Variants in EBAG9 observed in about 807,000 individuals in gnomAD.
EBAG9 encodes the protein receptor-binding cancer antigen expressed on SiSo cells.
Under a neutral mutation model 30.9 loss-of-function variants are expected in EBAG9, and 16 were observed. The ratio of observed to expected loss-of-function variants is 0.52; its 90% CI spans 0.35 to 0.79. EBAG9 has a LOEUF of 0.79. Among genes scored for constraint, EBAG9 ranks in the 30% least tolerant of loss-of-function variants. The pLI, the probability that EBAG9 is intolerant of heterozygous loss-of-function variation, is 0.01. For synonymous variants in EBAG9, 93 were observed against 82.8 expected (o/e 1.12, Z -0.67); for missense variants, 197 against 242.1 (o/e 0.81, Z 1.24).
intron 5 of EBAG9, among the ~76,000 whole-genome samples, chr8:109,557,478 G>T (rs1821623001): frequency 6.6e-6 from 1 of 152,206 alleles, no homozygotes; most frequent in South Asian, 2.1e-4. Flanking sequence ...GTAGACAGCT[G>T]AGGTTCTCAA....
At chr8:109,556,865 T>G in intron 4 of EBAG9, 70 bp from the exon 5 acceptor site, 1 of 707,532 alleles carries the variant, frequency 1.4e-6, no homozygotes, top group Non-Finnish European at 2.1e-6. Flanking sequence ...TTAGAAAATG[T>G]TTTGGTTGTC....
chr8:109,544,811 G>C (rs868300280), intron 1 of EBAG9, among the ~76,000 whole-genome samples: 1 of 152,004 alleles, frequency 6.6e-6, no homozygotes, highest in East Asian at 1.9e-4. Context: ...TCCCTCTTTC[G>C]TGTGTATTTT....
chr8:109,557,100 C>G (rs1586693058), intron 5 of EBAG9, 58 bp downstream of exon 5: 7 of 1,107,250 alleles, frequency 6.3e-6, no homozygotes, highest in Non-Finnish European at 9.0e-6. Context: ...TTCTTTAAAG[C>G]AGAGGAATAA....
At chr8:109,561,108 AC>A (rs1398811583) in intron 6 of EBAG9, among the ~76,000 whole-genome samples, 179 bp downstream of exon 6, 1 of 151,672 alleles carries the variant, frequency 6.6e-6, no homozygotes, top group African/African-American at 2.4e-5. Context: ...TATGATTAAA[AC>A]CTCACAGAAA....
chr8:109,556,938 GTTA>G lies in EBAG9; in HGVS notation c.329_331del (p.Ile110del). On this transcript the variant is annotated inframe_deletion, in exon 5 of 7. Coordinates refer to ENST00000337573, the MANE Select transcript of EBAG9 (RefSeq NM_004215.5). ...TCTTTTTCAATTAATCTTTCAGATT[GTTA>G]TTAAGAAGAGAGAACCATTGAATTT... The G allele has an allele frequency of 6.4e-7, 1 of 1,570,578 alleles. No individual in the cohort carries two copies. Among genetic ancestry groups the G allele is most frequent in the African/African-American group, 1.4e-5 (1 of 73,642 alleles).
intron 3 of EBAG9, among the ~76,000 whole-genome samples, 179 bp from the exon 4 acceptor site, chr8:109,554,550 C>T (rs2131118897): frequency 6.6e-6 from 1 of 152,134 alleles, no homozygotes; most frequent in Non-Finnish European, 1.5e-5. Context: ...ATCAGAATGT[C>T]TTGTATTTTT....
chr8:109,543,828 C>G (rs529378644), intron 1 of EBAG9, among the ~76,000 whole-genome samples: 80 of 152,034 alleles, frequency 5.3e-4, no homozygotes, highest in Non-Finnish European at 8.2e-4. Context: ...GCCAGGAGTT[C>G]GAGACCAGCC....
chr8:109,547,034 A>G (rs886436016), intron 1 of EBAG9, among the ~76,000 whole-genome samples: 4 of 149,782 alleles, frequency 2.7e-5, no homozygotes, highest in Non-Finnish European at 4.5e-5. Flanking sequence ...ATTTATTTCA[A>G]TTTTTTTTTT....
chr8:109,553,045 C>T (rs536384743), intron 2 of EBAG9, among the ~76,000 whole-genome samples: 2 of 151,370 alleles, frequency 1.3e-5, no homozygotes, highest in African/African-American at 4.8e-5. Flanking sequence ...CTGACTTTAT[C>T]GTTCTTAGTT....
chr8:109,554,794 G>C lies in EBAG9; in HGVS notation c.228G>C (p.Gly76=). 1 of 1,613,796 alleles carries C rather than the reference G, an allele frequency of 6.2e-7. No individual in the cohort carries two copies. Residue 76 remains glycine (G), a synonymous_variant, in exon 4 of 7, where the codon GGG becomes GGC. Coordinates refer to ENST00000337573, the MANE Select transcript of EBAG9 (RefSeq NM_004215.5). ...DAPTSVKIEG[G]NGNVATQQNS... ...CCACCAGTGTAAAGATCGAAGGAGGGAATGGGAATGTGGCAACACAACAAA... is the reference window on the plus strand; with the variant it reads ...CCACCAGTGTAAAGATCGAAGGAGGCAATGGGAATGTGGCAACACAACAAA...
intron 2 of EBAG9, 98 bp from the exon 3 acceptor site, chr8:109,553,767 G>A (rs1171089530): frequency 3.4e-6 from 3 of 873,642 alleles, no homozygotes; most frequent in Non-Finnish European, 5.2e-6. Flanking sequence ...AATTGAGAAA[G>A]ATCTTGTTTT....
chr8:109,558,826 G>A lies in EBAG9; in HGVS notation c.429+1784G>A, dbSNP rs28481342. ...TCTAGAATTCATCATTCGTATTGTT[G>A]TGAGAGTTCTTTTATACCAAAGATA... On this transcript the variant is annotated intron_variant, in intron 5 of 6. Coordinates refer to ENST00000337573, the MANE Select transcript of EBAG9 (RefSeq NM_004215.5). 1.4e-3 allele frequency among the ~76,000 whole-genome samples: 218 copies of A among 152,190 alleles called. 1 individual carries two copies. The highest frequency in any genetic ancestry group is 2.2e-3 in the Non-Finnish European group (152 of 67,990).
intron 1 of EBAG9, among the ~76,000 whole-genome samples, chr8:109,541,896 C>T (rs547065850): frequency 2.0e-5 from 3 of 152,290 alleles, no homozygotes; most frequent in East Asian, 1.9e-4. Context: ...CAAAGTGTGG[C>T]TTGATCGCAT....
intron 5 of EBAG9, among the ~76,000 whole-genome samples, chr8:109,557,542 C>A (rs1821624740): frequency 6.6e-6 from 1 of 152,154 alleles, no homozygotes; most frequent in South Asian, 2.1e-4. Flanking sequence ...CACAAATGTC[C>A]AGACCCCTCC....
At chr8:109,563,502 G>C in intron 6 of EBAG9, 1 of 1,597,202 alleles carries the variant, frequency 6.3e-7, no homozygotes, top group Non-Finnish European at 8.5e-7. Flanking sequence ...GAGTGAGTCT[G>C]GGTCAGTGGA....
chr8:109,548,676 G>C (rs1045208974), intron 1 of EBAG9, among the ~76,000 whole-genome samples: 3 of 151,950 alleles, frequency 2.0e-5, no homozygotes, highest in African/African-American at 7.2e-5. Flanking sequence ...GTTTTCAGTA[G>C]TCAAGTCCTT....
chr8:109,564,806 T>C lies in EBAG9; in HGVS notation c.*247T>C. 1 of 360,152 alleles carries C rather than the reference T, an allele frequency of 2.8e-6. No homozygotes were observed. The highest frequency in any genetic ancestry group is 5.0e-6 in the Non-Finnish European group (1 of 199,462). 22.3% of individuals were successfully genotyped at this position (360,152 alleles called of 1,614,324 possible). On this transcript the variant is annotated 3_prime_UTR_variant, in exon 7 of 7. Coordinates refer to ENST00000337573, the MANE Select transcript of EBAG9 (RefSeq NM_004215.5). ...CTCCAAATATAAGACATTTGTTTGC[T>C]GTACAGAAAGTATCACAAATGGAAT...
At chr8:109,546,220 T>C (rs1586686267) in intron 1 of EBAG9, among the ~76,000 whole-genome samples, 1 of 152,226 alleles carries the variant, frequency 6.6e-6, no homozygotes, top group South Asian at 2.1e-4. Flanking sequence ...ATATGAACAC[T>C]GTTCTAATTT....
intron 6 of EBAG9, among the ~76,000 whole-genome samples, chr8:109,563,862 C>T (rs1586696953): frequency 6.6e-6 from 1 of 152,004 alleles, no homozygotes; most frequent in East Asian, 1.9e-4. Flanking sequence ...AAATACCCAC[C>T]ACTCTTCTCT....
Sources: gnomAD v4.1 joint callset for allele counts (sites outside exome capture counted in the v4.1 genomes callset) on GRCh38, gnomAD v4.1.1 for gene constraint, MANE v1.5 for transcripts, NCBI Gene and HGNC (gene_info 2026-07-23, HGNC 2026-07-21) for gene names.